Variants in NTM observed in about 807,000 individuals in gnomAD.
The protein encoded by NTM is neurotrimin, also known as IgLON family member 2.
A neutral mutation model predicts 42.1 loss-of-function variants in NTM; 13 were observed. That is an observed-to-expected ratio of 0.31 (90% CI 0.20 to 0.49). The LOEUF (loss-of-function observed/expected upper bound fraction) is 0.49, where lower values mean the gene tolerates loss of function less well. Among genes scored for constraint, NTM ranks in the 20% least tolerant of loss-of-function variants. The pLI is 0.99. For synonymous variants in NTM, 187 were observed against 179.2 expected, an observed-to-expected ratio of 1.04 and a Z score of -0.35; for missense variants, 373 against 452.8, an observed-to-expected ratio of 0.82 and a Z score of 1.60.
At chr11:132,043,908 A>G (rs1392371726) in intron 2 of NTM, among the ~76,000 whole-genome samples, 1 of 152,160 alleles carries the variant, frequency 6.6e-6, no homozygotes, top group Non-Finnish European at 1.5e-5. Context: ...CAATCTTGGG[A>G]TAAATGGCAT....
chr11:132,016,762 C>T (rs1017624083), intron 2 of NTM, among the ~76,000 whole-genome samples: 1 of 151,896 alleles, frequency 6.6e-6, no homozygotes, highest in African/African-American at 2.4e-5. Context: ...TTTCCACCAA[C>T]AATTTATGAG....
chr11:131,375,517 G>A (rs1941847292), intron 1 of NTM, among the ~76,000 whole-genome samples: 1 of 152,182 alleles, frequency 6.6e-6, no homozygotes, highest in Admixed American at 6.5e-5. Flanking sequence ...GCCGGAGGGT[G>A]CTTCATCTTA....
chr11:132,241,558 C>T (rs1321741155), intron 4 of NTM, among the ~76,000 whole-genome samples: 1 of 152,154 alleles, frequency 6.6e-6, no homozygotes, highest in Non-Finnish European at 1.5e-5. Flanking sequence ...AATTCAAAGT[C>T]GTAAACACAA....
chr11:132,079,273 ATC>A (rs1184700131), intron 2 of NTM, among the ~76,000 whole-genome samples: 1 of 152,234 alleles, frequency 6.6e-6, no homozygotes, highest in African/African-American at 2.4e-5. Flanking sequence ...TGCAACATCC[ATC>A]TCTCATAATC....
chr11:132,082,305 A>G (rs3018432), intron 2 of NTM, among the ~76,000 whole-genome samples: 2 of 152,036 alleles, frequency 1.3e-5, no homozygotes, highest in African/African-American at 4.8e-5. Flanking sequence ...GCTCTCAACA[A>G]AAAGAGAGAT....
At chr11:131,866,312 C>T (rs941141803) in intron 1 of NTM, among the ~76,000 whole-genome samples, 3 of 152,170 alleles carry the variant, frequency 2.0e-5, no homozygotes, top group Admixed American at 6.5e-5. Context: ...CAAAGATTGC[C>T]TGTGGGGGTG....
At chr11:132,180,832 C>A (rs779596712) in intron 3 of NTM, among the ~76,000 whole-genome samples, 5 of 152,096 alleles carry the variant, frequency 3.3e-5, no homozygotes, top group African/African-American at 4.8e-5. Context: ...ATCAGATTTT[C>A]TTTCCATTGT....
chr11:131,902,982 G>A (rs1172669536), intron 1 of NTM, among the ~76,000 whole-genome samples: 1 of 152,214 alleles, frequency 6.6e-6, no homozygotes, highest in African/African-American at 2.4e-5. Flanking sequence ...AAACTCAGCA[G>A]AGATTGAGAT....
intron 7 of NTM, among the ~76,000 whole-genome samples, chr11:132,320,508 G>C (rs1424041231): frequency 1.3e-5 from 2 of 152,210 alleles, no homozygotes; most frequent in Middle Eastern, 3.4e-3. Context: ...ATATCCCCCA[G>C]CTGGCTCGGA....
At chr11:131,903,365 C>G (rs973792713) in intron 1 of NTM, among the ~76,000 whole-genome samples, 3 of 152,108 alleles carry the variant, frequency 2.0e-5, no homozygotes, top group African/African-American at 4.8e-5. Flanking sequence ...TTAATAGGAC[C>G]GTTACTGTAA....
Position 131,896,679 on chromosome 11 carries a change from CTTTTTTTT to C in NTM, c.83-14869_83-14862del, listed in dbSNP as rs71067345. ...CATGCCAAATGGAGTACATTTTAGGCTTTTTTTTTTTTTTTTTTTTTTTCTCTGAGACG... is the reference window on the plus strand; with the variant it reads ...CATGCCAAATGGAGTACATTTTAGGCTTTTTTTTTTTTTTTCTCTGAGACG... On this transcript the variant is annotated intron_variant, in intron 1 of 8. Transcript: ENST00000683400. Among the ~76,000 whole-genome samples the C allele has an allele frequency of 2.3e-3, 232 of 100,614 alleles. 2 individuals carry two copies. Among genetic ancestry groups the C allele is most frequent in the African/African-American group, 8.8e-3 (217 of 24,708 alleles). 66.0% of individuals were successfully genotyped at this position (100,614 alleles called of 152,430 possible).
chr11:132,031,070 C>T (rs972587618), intron 2 of NTM, among the ~76,000 whole-genome samples: 10 of 152,156 alleles, frequency 6.6e-5, no homozygotes, highest in Non-Finnish European at 1.3e-4. Flanking sequence ...AAGCCTCAAT[C>T]CTGTCTACAA....
chr11:132,155,879 G>A lies in NTM; in HGVS notation c.400+9365G>A, dbSNP rs78368468. ...GGTCCCTACAATGGGGATGTGCAAA[G>A]GAGTGGGGTGCAGGTAGGGTGTGTA... On this transcript the variant is annotated intron_variant, in intron 3 of 8. Transcript: ENST00000683400. Among the ~76,000 whole-genome samples, 328 of 152,328 alleles carry A rather than the reference G, an allele frequency of 2.2e-3. 3 individuals are homozygous for A. Among genetic ancestry groups the A allele is most frequent in the African/African-American group, 7.4e-3 (308 of 41,574 alleles).
chr11:131,453,911 G>T (rs1950673097), intron 1 of NTM, among the ~76,000 whole-genome samples: 1 of 152,234 alleles, frequency 6.6e-6, no homozygotes. Flanking sequence ...GCCTGCAGTA[G>T]TGGGCTGGGA....
intron 1 of NTM, among the ~76,000 whole-genome samples, chr11:131,874,065 A>ATATATATATATATATCTATC (rs1565659857): frequency 1.7e-5 from 1 of 60,196 alleles, no homozygotes; most frequent in African/African-American, 4.3e-5. Context: ...ATATATATAT[A>ATATATATATATATATCTATC]TATCAGCAAC....
chr11:131,375,794 C>CATGTATGT lies in NTM; in HGVS notation c.82+4919_82+4926dup, dbSNP rs57537421. Among the ~76,000 whole-genome samples, 374 of 151,182 alleles carry CATGTATGT rather than the reference C, an allele frequency of 2.5e-3. 4 individuals are homozygous for CATGTATGT. Among genetic ancestry groups the CATGTATGT allele is most frequent in the Admixed American group, 0.019 (282 of 15,212 alleles). On this transcript the variant is annotated intron_variant, in intron 1 of 8. Transcript: ENST00000683400. Reference sequence around the variant, plus strand: ...CCTCTGAGAACTTTATTTTTTCTTTCATGTATGTATGTATGTATGTCTTTA... The same window carrying CATGTATGT: ...CCTCTGAGAACTTTATTTTTTCTTTCATGTATGTATGTATGTATGTATGTATGTCTTTA...
chr11:132,157,938 C>T (rs2073544364), intron 3 of NTM, among the ~76,000 whole-genome samples: 1 of 152,176 alleles, frequency 6.6e-6, no homozygotes, highest in Admixed American at 6.5e-5. Flanking sequence ...GAGGTTTATC[C>T]AGTCCTGCCT....
intron 1 of NTM, among the ~76,000 whole-genome samples, chr11:131,738,495 A>G (rs900168008): frequency 6.6e-6 from 1 of 152,228 alleles, no homozygotes; most frequent in Non-Finnish European, 1.5e-5. Context: ...GGCAGAACCA[A>G]TGCAAAATTT....
intron 1 of NTM, among the ~76,000 whole-genome samples, chr11:131,418,851 G>T (rs1392456985): frequency 6.6e-6 from 1 of 152,186 alleles, no homozygotes; most frequent in Admixed American, 6.5e-5. Context: ...AAGTCTCAGA[G>T]CCAGGAGGGC....
Sources: gnomAD v4.1 joint callset for allele counts (sites outside exome capture counted in the v4.1 genomes callset) on GRCh38, gnomAD v4.1.1 for gene constraint, MANE v1.5 for transcripts, NCBI Gene and HGNC (gene_info 2026-07-23, HGNC 2026-07-21) for gene names.